FRMD4B: variants seen among roughly 807,000 people sequenced by gnomAD.
The protein encoded by FRMD4B is FERM domain-containing protein 4B.
FRMD4B carries 74 observed loss-of-function variants against 141.5 expected under a neutral mutation model. That is an observed-to-expected ratio of 0.52 (90% confidence interval 0.43 to 0.63). The LOEUF (loss-of-function observed/expected upper bound fraction) is 0.63. FRMD4B is among the 30% of genes least tolerant of loss of function. The pLI, the probability that FRMD4B is intolerant of heterozygous loss-of-function variation, is 0.00. For missense variants in FRMD4B, 1,366 were observed against 1,253.4 expected (o/e 1.09, Z -1.36); for synonymous variants, 506 against 467.9 (o/e 1.08, Z -1.05).
At chr3:69,480,668 C>G (rs1706104466) in intron 1 of FRMD4B, among the ~76,000 whole-genome samples, 1 of 152,196 alleles carries the variant, frequency 6.6e-6, no homozygotes, top group Admixed American at 6.5e-5. Context: ...GTCAGGGACC[C>G]ACTTGAGGAG....
intron 1 of FRMD4B, among the ~76,000 whole-genome samples, chr3:69,526,959 A>G (rs1455477953): frequency 6.6e-6 from 1 of 152,098 alleles, no homozygotes; most frequent in African/African-American, 2.4e-5. Context: ...TGATACATGA[A>G]ACCATTTTAA....
chr3:69,340,029 C>T (rs1702683278), intron 1 of FRMD4B, among the ~76,000 whole-genome samples: 1 of 152,186 alleles, frequency 6.6e-6, no homozygotes, highest in Non-Finnish European at 1.5e-5. Context: ...CTCTTACTCC[C>T]TGGGCCCCAG....
At chr3:69,260,579 G>A (rs7640048) in intron 5 of FRMD4B, among the ~76,000 whole-genome samples, 102,686 of 152,164 alleles carry the variant, frequency 0.67, 35,609 homozygotes, top group Non-Finnish European at 0.77. Context: ...CACATGGCCC[G>A]AACCTCCCCA....
At position 69,200,662 on chromosome 3, in the gene FRMD4B, G is replaced by A. The variant is rs2092956798; in HGVS notation, c.877-1888C>T. ...CAGGGAGAGGAGGGCAAAGTTCTCA[G>A]TGGCAGATTTTCCCAGAAAAGAGAC... On this transcript the variant is annotated intron_variant, in intron 11 of 22. Transcript: ENST00000398540. 4 of 1,246,612 alleles carry A rather than the reference G, an allele frequency of 3.2e-6. No individual in the cohort carries two copies. In the South Asian group the frequency reaches 5.5e-5, roughly 17 times the overall value. 77.2% of individuals were successfully genotyped at this position (1,246,612 alleles called of 1,614,324 possible).
chr3:69,172,444 A>C (rs146775552), intron 22 of FRMD4B, among the ~76,000 whole-genome samples: 92 of 152,290 alleles, frequency 6.0e-4, no homozygotes, highest in Admixed American at 1.8e-3. Context: ...CCATCCTGCT[A>C]GTTCACTTAT....
chr3:69,200,327 AC>A, intron 11 of FRMD4B: 1 of 672,616 alleles, frequency 1.5e-6, no homozygotes. Context: ...TATAACACTC[AC>A]TCAGGTTCAC....
At chr3:69,190,945 AC>A (rs1220496853) in intron 17 of FRMD4B, among the ~76,000 whole-genome samples, 3 of 152,230 alleles carry the variant, frequency 2.0e-5, no homozygotes, top group Non-Finnish European at 4.4e-5. Context: ...TAACAACAGT[AC>A]CTATCACGTA....
intron 1 of FRMD4B, among the ~76,000 whole-genome samples, chr3:69,439,713 G>C (rs142121084): frequency 4.7e-4 from 72 of 152,312 alleles, no homozygotes; most frequent in African/African-American, 1.7e-3. Context: ...ACAGCTCAGA[G>C]TGCCTGTTTA....
At chr3:69,373,970 T>A (rs1703901337) in intron 1 of FRMD4B, among the ~76,000 whole-genome samples, 1 of 152,166 alleles carries the variant, frequency 6.6e-6, no homozygotes, top group Non-Finnish European at 1.5e-5. Context: ...TCACCAACCC[T>A]GGTAGGTAGG....
At position 69,500,956 on chromosome 3, in the gene FRMD4B, C is replaced by T. The variant is rs566928079; in HGVS notation, c.-129+41250G>A. Reference sequence around the variant, plus strand: ...GTCTAGGCACACGCATGTACACACGCCCCTCCTACCAAAAAAGAAGGCCAA... The same window carrying T: ...GTCTAGGCACACGCATGTACACACGTCCCTCCTACCAAAAAAGAAGGCCAA... On this transcript the variant is annotated intron_variant, in intron 1 of 5. Coordinates refer to the FRMD4B transcript ENST00000459638. 6.6e-5 allele frequency among the ~76,000 whole-genome samples: 10 copies of T among 152,224 alleles called. No homozygotes were observed. In the South Asian group the frequency reaches 2.1e-3, roughly 32 times the overall value.
chr3:69,505,797 T>C (rs964474640), intron 1 of FRMD4B, among the ~76,000 whole-genome samples: 3 of 152,214 alleles, frequency 2.0e-5, no homozygotes, highest in African/African-American at 7.2e-5. Context: ...GTTAAACTCT[T>C]GGGGTGGCCT....
chr3:69,255,313 T>G (rs529991550), intron 5 of FRMD4B, among the ~76,000 whole-genome samples: 157 of 152,334 alleles, frequency 1.0e-3, no homozygotes, highest in African/African-American at 3.5e-3. Context: ...TAAATTTGGC[T>G]TGGCAGACAT....
chr3:69,332,843 C>T (rs986471851), intron 1 of FRMD4B, among the ~76,000 whole-genome samples: 9 of 149,210 alleles, frequency 6.0e-5, no homozygotes, highest in African/African-American at 7.4e-5. Context: ...CCGCCTTAAG[C>T]GCTGGGATTA....
chr3:69,437,877 G>T, intron 1 of FRMD4B, among the ~76,000 whole-genome samples: 1 of 123,632 alleles, frequency 8.1e-6, no homozygotes, highest in Admixed American at 8.9e-5. Context: ...TATATATGTA[G>T]TATATATACT....
At chr3:69,328,149 G>C (rs1483893) in intron 1 of FRMD4B, among the ~76,000 whole-genome samples, 11,729 of 152,252 alleles carry the variant, frequency 0.077, 1,533 homozygotes, top group African/African-American at 0.27. Flanking sequence ...AAAGCCCACT[G>C]TCCCATTTTC....
At chr3:69,288,195 A>C in intron 4 of FRMD4B, among the ~76,000 whole-genome samples, 2 of 152,354 alleles carry the variant, frequency 1.3e-5, no homozygotes, top group Admixed American at 1.3e-4. Context: ...GCGCAGATGA[A>C]CTAGGAGTTG....
In FRMD4B at chr3:69,181,696, G is replaced by C. The variant is rs202099937; in HGVS notation, c.2054C>G (p.Ser685Cys). 1,182 of 1,610,782 alleles carry C rather than the reference G, an allele frequency of 7.3e-4. 1 individual carries two copies. Among genetic ancestry groups the C allele is most frequent in the Non-Finnish European group, 9.1e-4 (1,068 of 1,177,980 alleles). ...SSSHLEPESS[S>C]QHCRQRSGSL... Reference sequence around the variant, plus strand: ...TCCACTCCGCTGGCGGCAGTGCTGAGATGAAGATTCGGGTCTGAAAGAGGA... The same window carrying C: ...TCCACTCCGCTGGCGGCAGTGCTGACATGAAGATTCGGGTCTGAAAGAGGA... The change falls in exon 21 of 23, where the codon TCT (serine) becomes TGT (cysteine). Residue 685 changes from serine to cysteine, a missense_variant. Transcript: ENST00000398540.
chr3:69,194,039 A>C (rs574125021), intron 16 of FRMD4B, among the ~76,000 whole-genome samples, 166 bp from the exon 17 acceptor site: 1 of 152,044 alleles, frequency 6.6e-6, no homozygotes, highest in Non-Finnish European at 1.5e-5. Flanking sequence ...ACTTTCCTTT[A>C]CTCGTCTTAA....
At chr3:69,355,970 A>C (rs1395840388) in intron 1 of FRMD4B, among the ~76,000 whole-genome samples, 3 of 152,158 alleles carry the variant, frequency 2.0e-5, no homozygotes, top group Non-Finnish European at 2.9e-5. Flanking sequence ...GGTTGCAGTG[A>C]GCTGAGATCA....
Sources: gnomAD v4.1 joint callset for allele counts (sites outside exome capture counted in the v4.1 genomes callset) on GRCh38, gnomAD v4.1.1 for gene constraint, MANE v1.5 for transcripts, NCBI Gene and HGNC (gene_info 2026-07-23, HGNC 2026-07-21) for gene names.